The following AMOTL1 variants were observed in gnomAD, a reference collection of about 807,000 sequenced individuals.
AMOTL1 encodes the protein angiomotin like 1.
A neutral mutation model predicts 102.9 loss-of-function variants in AMOTL1; 45 were observed. The ratio of observed to expected loss-of-function variants is 0.44; its 90% CI spans 0.34 to 0.56. The LOEUF is 0.56. AMOTL1 is among the 20% of genes least tolerant of loss of function. The pLI is 0.01. For missense variants in AMOTL1, 1,114 were observed against 1,225.6 expected, an observed-to-expected ratio of 0.91 and a Z score of 1.36; for synonymous variants, 481 against 484.7, an observed-to-expected ratio of 0.99 and a Z score of 0.10.
chr11:94,768,905 C>T (rs1316362290), intron 1 of AMOTL1, among the ~76,000 whole-genome samples: 1 of 151,938 alleles, frequency 6.6e-6, no homozygotes, highest in Non-Finnish European at 1.5e-5. Flanking sequence ...CGCCCGCGCC[C>T]GCGCGCGGGT....
At position 94,840,679 on chromosome 11, in the gene AMOTL1, T is replaced by C. The variant is rs200522356; in HGVS notation, c.1648+9138T>C. On this transcript the variant is annotated intron_variant, in intron 6 of 12. Transcript: ENST00000433060. ...GTATATATATATATATATATATATA[T>C]ATACACACACACACACACACACACA... Among the ~76,000 whole-genome samples the C allele has an allele frequency of 6.4e-3, 833 of 129,284 alleles. 7 individuals carry two copies. The highest frequency in any genetic ancestry group is 0.032 in the South Asian group (125 of 3,888). The allele number at this position is 129,284 out of a possible 152,430, so 84.8% of individuals were successfully genotyped here.
At chr11:94,748,414 C>T (rs1291858758) in intron 3 of AMOTL1, among the ~76,000 whole-genome samples, 1 of 152,138 alleles carries the variant, frequency 6.6e-6, no homozygotes, top group Admixed American at 6.5e-5. Flanking sequence ...ACTTTAGTCA[C>T]GTGGCTACCC....
chr11:94,810,553 G>A (rs1306146277), intron 3 of AMOTL1, among the ~76,000 whole-genome samples: 1 of 148,012 alleles, frequency 6.8e-6, no homozygotes, highest in Non-Finnish European at 1.5e-5. Context: ...AGTAAAGCAA[G>A]CAGTTTAAGA....
chr11:94,800,906 A>G (rs906931495), intron 3 of AMOTL1, among the ~76,000 whole-genome samples: 1 of 152,134 alleles, frequency 6.6e-6, no homozygotes, highest in African/African-American at 2.4e-5. Context: ...TACAGCCTTC[A>G]CTTGTATTCT....
At chr11:94,832,556 A>G (rs1235166000) in intron 6 of AMOTL1, among the ~76,000 whole-genome samples, 1 of 152,208 alleles carries the variant, frequency 6.6e-6, no homozygotes, top group Non-Finnish European at 1.5e-5. Flanking sequence ...CACTAATACT[A>G]TCTAGGGCTT....
intron 3 of AMOTL1, among the ~76,000 whole-genome samples, chr11:94,751,862 T>C (rs1431963430): frequency 1.3e-5 from 2 of 151,920 alleles, no homozygotes; most frequent in Non-Finnish European, 2.9e-5. Context: ...GCCAAAAAGA[T>C]GTTTCTACTA....
At chr11:94,786,617 A>G (rs1158223908) in intron 1 of AMOTL1, among the ~76,000 whole-genome samples, 1 of 152,056 alleles carries the variant, frequency 6.6e-6, no homozygotes, top group Non-Finnish European at 1.5e-5. Context: ...ATTACACTTT[A>G]AGTTTTAAGA....
chr11:94,836,846 A>G (rs1952193858), intron 6 of AMOTL1, among the ~76,000 whole-genome samples: 1 of 151,864 alleles, frequency 6.6e-6, no homozygotes, highest in Non-Finnish European at 1.5e-5. Flanking sequence ...AAGAAAGGTG[A>G]CATTAGTATA....
At chr11:94,759,170 A>G (rs1207198653) in intron 3 of AMOTL1, among the ~76,000 whole-genome samples, 1 of 152,188 alleles carries the variant, frequency 6.6e-6, no homozygotes, top group Non-Finnish European at 1.5e-5. Context: ...CCTAGCATTC[A>G]TAATTTTTTT....
At chr11:94,849,815 T>C (rs993433827) in intron 6 of AMOTL1, among the ~76,000 whole-genome samples, 5 of 152,118 alleles carry the variant, frequency 3.3e-5, no homozygotes, top group Admixed American at 6.5e-5. Context: ...AGATACAAGA[T>C]TGATTTGAAG....
upstream of AMOTL1, among the ~76,000 whole-genome samples, chr11:94,764,496 C>G (rs1256816210): frequency 1.3e-5 from 2 of 152,186 alleles, no homozygotes; most frequent in Non-Finnish European, 2.9e-5. Flanking sequence ...CTGGGTGCAT[C>G]AAATCATTGG....
intron 8 of AMOTL1, among the ~76,000 whole-genome samples, chr11:94,855,396 A>G (rs1423661862): frequency 6.6e-6 from 1 of 152,190 alleles, no homozygotes; most frequent in Non-Finnish European, 1.5e-5. Flanking sequence ...TAATACTGAT[A>G]AACTGTGCCA....
At chr11:94,770,640 C>T (rs1486887656) in intron 1 of AMOTL1, among the ~76,000 whole-genome samples, 1 of 152,174 alleles carries the variant, frequency 6.6e-6, no homozygotes, top group Non-Finnish European at 1.5e-5. Context: ...CTTGGTCTTT[C>T]AGGTTCTTTG....
At chr11:94,850,041 A>G in intron 6 of AMOTL1, 73 bp from the exon 7 acceptor site, 1 of 1,456,878 alleles carries the variant, frequency 6.9e-7, no homozygotes, top group Non-Finnish European at 9.2e-7. Context: ...TCCTTGCCAG[A>G]TGTCGACTGG....
At chr11:94,740,415 C>CCG (rs1273107585) in intron 2 of AMOTL1, 1 of 152,102 alleles carries the variant, frequency 6.6e-6, no homozygotes, top group Non-Finnish European at 1.5e-5. Context: ...AGTTGGGAGG[C>CCG]CGCGCGCGCC....
At chr11:94,835,809 A>AT (rs1292497191) in intron 6 of AMOTL1, among the ~76,000 whole-genome samples, 1 of 152,206 alleles carries the variant, frequency 6.6e-6, no homozygotes, top group African/African-American at 2.4e-5. Context: ...AAAACAGAAG[A>AT]TTTCTTGGAC....
chr11:94,868,008 G>C (rs1952916896), intron 11 of AMOTL1, among the ~76,000 whole-genome samples: 1 of 152,196 alleles, frequency 6.6e-6, no homozygotes. Context: ...AGATGATGTG[G>C]GAAGCGCAGG....
chr11:94,768,309 C>T, upstream of AMOTL1: 1 of 1,353,490 alleles, frequency 7.4e-7, no homozygotes, highest in Non-Finnish European at 9.5e-7. Flanking sequence ...CCCGGGCGAC[C>T]CTCCCCGGCC....
intron 2 of AMOTL1, among the ~76,000 whole-genome samples, chr11:94,797,426 A>G (rs995117904): frequency 4.6e-5 from 7 of 152,234 alleles, no homozygotes; most frequent in Admixed American, 2.0e-4. Flanking sequence ...CTGAGCCCCT[A>G]TGACATCCAG....
Sources: allele counts gnomAD v4.1 joint callset (sites outside exome capture counted in the v4.1 genomes callset), GRCh38; gene constraint gnomAD v4.1.1; transcripts MANE v1.5; gene names NCBI Gene and HGNC (gene_info 2026-07-23, HGNC 2026-07-21).